Variants in SLC6A11 observed in about 807,000 individuals in gnomAD.
The protein encoded by SLC6A11 is solute carrier family 6 member 11, also known as sodium- and chloride-dependent GABA transporter 3.
SLC6A11 carries 25 observed loss-of-function variants against 74.8 expected under a neutral mutation model. The observed-to-expected ratio is 0.33, with a 90% confidence interval of 0.24 to 0.47. The LOEUF is 0.47. Among genes scored for constraint, SLC6A11 ranks in the 20% least tolerant of loss-of-function variants. The probability of loss-of-function intolerance (pLI) is 1.00; values close to 1 mark genes in which losing one functional copy is unlikely to be tolerated. For missense variants in SLC6A11, 574 were observed against 837.0 expected, an observed-to-expected ratio of 0.69 and a Z score of 3.88; for synonymous variants, 330 against 330.2, an observed-to-expected ratio of 1.00 and a Z score of 0.01.
At chr3:10,868,280 A>G (rs1002687339) in intron 5 of SLC6A11, among the ~76,000 whole-genome samples, 20 of 152,128 alleles carry the variant, frequency 1.3e-4, no homozygotes, top group Admixed American at 6.5e-4. Flanking sequence ...TTGGCTTTCC[A>G]ATTGACTCCA....
At chr3:10,851,049 C>T (rs1196084904) in intron 5 of SLC6A11, among the ~76,000 whole-genome samples, 1 of 152,132 alleles carries the variant, frequency 6.6e-6, no homozygotes, top group Non-Finnish European at 1.5e-5. Flanking sequence ...TGGACACTGC[C>T]CTCTGCAGAC....
chr3:10,870,559 T>A (rs1694817498), intron 5 of SLC6A11, among the ~76,000 whole-genome samples: 1 of 152,206 alleles, frequency 6.6e-6, no homozygotes, highest in Admixed American at 6.5e-5. Flanking sequence ...ATGACAAGAA[T>A]CTGTATGGTT....
chr3:10,910,000 G>C (rs1559579755), intron 6 of SLC6A11, among the ~76,000 whole-genome samples: 1 of 152,066 alleles, frequency 6.6e-6, no homozygotes, highest in Non-Finnish European at 1.5e-5. Flanking sequence ...GAAATGTCTG[G>C]AGTTTGTTCT....
chr3:10,900,568 A>G (rs1292781237), intron 6 of SLC6A11, among the ~76,000 whole-genome samples: 2 of 152,194 alleles, frequency 1.3e-5, no homozygotes, highest in Non-Finnish European at 2.9e-5. Context: ...TCTCCTCCCA[A>G]GGATGTCTTT....
At chr3:10,861,670 A>G (rs1242024061) in intron 5 of SLC6A11, among the ~76,000 whole-genome samples, 1 of 152,194 alleles carries the variant, frequency 6.6e-6, no homozygotes, top group Non-Finnish European at 1.5e-5. Context: ...TGAAGAAGCC[A>G]TTAGGTTGGA....
Position 10,918,503 on chromosome 3 carries a change from G to A in SLC6A11, c.1120+50G>A, listed in dbSNP as rs1695489879. ...GAAAAGGCGGCAAGGGAGGCCAGGA[G>A]TGATGGTCATCATGGAAATGCGATC... On this transcript the variant is annotated intron_variant, in intron 8 of 13. Transcript: ENST00000254488. This position sits in a 1 kb window ranked among gnomAD's most constrained non-coding sequence, Gnocchi z 4.5. 1.3e-6 allele frequency: 2 copies of A among 1,566,166 alleles called. No homozygotes were observed. The highest frequency in any genetic ancestry group is 1.7e-6 in the Non-Finnish European group (2 of 1,161,012).
At chr3:10,861,554 A>C (rs185654895) in intron 5 of SLC6A11, among the ~76,000 whole-genome samples, 2 of 152,128 alleles carry the variant, frequency 1.3e-5, no homozygotes, top group Non-Finnish European at 2.9e-5. Flanking sequence ...GGAAGTAATG[A>C]ATCTGTGAAA....
chr3:10,844,235 T>C lies in SLC6A11; in HGVS notation c.645T>C (p.Ser215=), dbSNP rs2304725. The change falls in exon 5 of 14, where the codon TCT becomes TCC. Residue 215 remains serine, a synonymous_variant. Coordinates refer to ENST00000254488, the MANE Select transcript of SLC6A11 (RefSeq NM_014229.3). ...EFWEHRVLAI[S]DGIEHIGNLR... ...GCAGGCACCGGGTCCTGGCCATCTC[T>C]GACGGGATCGAGCACATCGGGAACC... is the stretch of plus-strand genomic sequence containing the variant. The C allele has an allele frequency of 0.34, 542,314 of 1,613,944 alleles. 93,608 individuals carry two copies. Among genetic ancestry groups the C allele is most frequent in the South Asian group, 0.5 (45,737 of 91,064 alleles).
chr3:10,920,170 CAT>C (rs1205621770), intron 8 of SLC6A11, among the ~76,000 whole-genome samples: 2 of 152,262 alleles, frequency 1.3e-5, no homozygotes, highest in Admixed American at 6.5e-5. Context: ...CTCATTTTAT[CAT>C]TGCTTCTGTT....
intron 5 of SLC6A11, among the ~76,000 whole-genome samples, chr3:10,861,433 C>T (rs1228581471): frequency 6.6e-6 from 1 of 152,144 alleles, no homozygotes; most frequent in African/African-American, 2.4e-5. Flanking sequence ...GGGAGGATCA[C>T]TTGAGCCCAG....
Position 10,918,202 on chromosome 3 carries a change from G to A in SLC6A11, c.996-127G>A, listed in dbSNP as rs1406528156. ...CCATGAGTGCTCCATCAGAAAAACA[G>A]AGCTCCCTGTGCCTGCACTTCCCTG... On this transcript the variant is annotated intron_variant, in intron 7 of 13. Transcript: ENST00000254488. This position sits in a 1 kb window ranked among gnomAD's most constrained non-coding sequence, Gnocchi z 4.5. 4 of 1,061,426 alleles carry A rather than the reference G, an allele frequency of 3.8e-6. No homozygotes were observed. The African/African-American group carries it at 6.6e-5, about 18-fold the overall frequency. The allele number at this position is 1,061,426 out of a possible 1,614,324, so 65.8% of individuals were successfully genotyped here. A position where few individuals can be genotyped will look rare whatever the true frequency, so the allele number is the denominator to read the frequency against.
intron 4 of SLC6A11, among the ~76,000 whole-genome samples, chr3:10,843,075 C>T (rs1248949384): frequency 6.6e-6 from 1 of 152,018 alleles, no homozygotes; most frequent in Non-Finnish European, 1.5e-5. Flanking sequence ...GAATGGGGTT[C>T]GTGGAACAAG....
At chr3:10,851,100 G>A (rs1034805325) in intron 5 of SLC6A11, among the ~76,000 whole-genome samples, 9 of 151,888 alleles carry the variant, frequency 5.9e-5, no homozygotes, top group Non-Finnish European at 8.8e-5. Context: ...GTCCCCCCAC[G>A]CTGCCCCTAC....
intron 4 of SLC6A11, among the ~76,000 whole-genome samples, chr3:10,834,302 T>C (rs1421194889): frequency 6.6e-6 from 1 of 152,068 alleles, no homozygotes; most frequent in Non-Finnish European, 1.5e-5. Context: ...GTGCTGCCTC[T>C]CTGCAGCCCT....
At chr3:10,898,889 G>A (rs1337939139) in intron 6 of SLC6A11, among the ~76,000 whole-genome samples, 2 of 152,214 alleles carry the variant, frequency 1.3e-5, no homozygotes, top group African/African-American at 4.8e-5. Context: ...ATTTACAAAA[G>A]AAAGAGGTTT....
At chr3:10,821,368 G>A (rs1310086624) in intron 3 of SLC6A11, among the ~76,000 whole-genome samples, 2 of 152,164 alleles carry the variant, frequency 1.3e-5, no homozygotes, top group Non-Finnish European at 2.9e-5. Flanking sequence ...TGATGGCCAA[G>A]GGAAAAAGAC....
chr3:10,869,685 G>C (rs758190307), intron 5 of SLC6A11, among the ~76,000 whole-genome samples: 1 of 152,236 alleles, frequency 6.6e-6, no homozygotes, highest in Non-Finnish European at 1.5e-5. Flanking sequence ...AGCGTTATCC[G>C]ACTCTAAGCC....
At position 10,918,715 on chromosome 3, in the gene SLC6A11, C is replaced by T. The variant is rs757462606; in HGVS notation, c.1120+262C>T. Among the ~76,000 whole-genome samples the T allele has an allele frequency of 1.3e-5, 2 of 152,096 alleles. No homozygotes were observed. The highest frequency in any genetic ancestry group is 2.4e-5 in the African/African-American group (1 of 41,414). The stretch of plus-strand genomic sequence containing the variant: ...TTCATTCATTTCTCCCAAGCTTCAC[C>T]GTCTCCCCACTAGCCCGGACCACCA... On this transcript the variant is annotated intron_variant, in intron 8 of 13. Coordinates refer to ENST00000254488, the MANE Select transcript of SLC6A11 (RefSeq NM_014229.3). The surrounding 1 kb of genome is among the most constrained non-coding windows in gnomAD (Gnocchi z 4.5).
At chr3:10,906,214 T>C (rs1427450295) in intron 6 of SLC6A11, among the ~76,000 whole-genome samples, 1 of 152,122 alleles carries the variant, frequency 6.6e-6, no homozygotes, top group Non-Finnish European at 1.5e-5. Context: ...AACTTGCCCT[T>C]TAAAGATTTC....
Sources: allele counts gnomAD v4.1 joint callset (sites outside exome capture counted in the v4.1 genomes callset), GRCh38; gene constraint gnomAD v4.1.1; non-coding constraint Gnocchi (gnomAD v3.1); transcripts MANE v1.5; gene names NCBI Gene and HGNC (gene_info 2026-07-23, HGNC 2026-07-21).